USP6NL: variants seen among roughly 807,000 people sequenced by gnomAD.
USP6NL encodes USP6 N-terminal like, also known as USP6 N-terminal-like protein.
Under a neutral mutation model 61.9 loss-of-function variants are expected in USP6NL, and 26 were observed. The observed-to-expected ratio is 0.42, with a 90% CI of 0.31 to 0.58. The LOEUF (loss-of-function observed/expected upper bound fraction) is 0.58, where lower values mean the gene tolerates loss of function less well. Among genes scored for constraint, USP6NL ranks in the 20% least tolerant of loss-of-function variants. The pLI, the probability that USP6NL is intolerant of heterozygous loss-of-function variation, is 0.16. For synonymous variants in USP6NL, 432 were observed against 390.1 expected (o/e 1.11, Z -1.27); for missense variants, 1,114 against 1,034.3 (o/e 1.08, Z -1.06).
rs1177888930 is a variant in USP6NL, at chr10:11,596,201, G to A, written c.4+1430C>T. Among the ~76,000 whole-genome samples the A allele has an allele frequency of 1.3e-5, 2 of 152,172 alleles. No homozygotes were observed. Among genetic ancestry groups the A allele is most frequent in the South Asian group, 4.1e-4 (2 of 4,830 alleles). On this transcript the variant is annotated intron_variant, in intron 2 of 14. Coordinates refer to ENST00000609104, the MANE Select transcript of USP6NL (RefSeq NM_014688.5). This position sits in a 1 kb window ranked among gnomAD's most constrained non-coding sequence, Gnocchi z 4.1. ...TATTTCACTTTCCAAAAATGTAAGC[G>A]TTTTTAAGTTAAAATGCTTGCCATT... is the stretch of plus-strand genomic sequence containing the variant.
intron 2 of USP6NL, among the ~76,000 whole-genome samples, chr10:11,570,305 AT>A: frequency 6.6e-6 from 1 of 152,194 alleles, no homozygotes; most frequent in African/African-American, 2.4e-5. Context: ...ACGCCCTTGC[AT>A]CTAAGATGCA....
At chr10:11,603,844 C>T (rs893817088) in intron 1 of USP6NL, among the ~76,000 whole-genome samples, 9 of 152,178 alleles carry the variant, frequency 5.9e-5, no homozygotes, top group South Asian at 2.1e-4. Context: ...GAGTGAAAAT[C>T]GGAAAACTTA....
rs1313900766 is a variant in USP6NL at position 11,511,136 on chromosome 10, A to C, written c.196-1461T>G. Among the ~76,000 whole-genome samples the C allele has an allele frequency of 6.6e-6, 1 of 152,260 alleles. No homozygotes were observed. Among genetic ancestry groups the C allele is most frequent in the Non-Finnish European group, 1.5e-5 (1 of 68,044 alleles). ...AATGAGAATATTTTTATAGAATTTC[A>C]ATTTTAGGCATATTCTTAAAACTCT... On this transcript the variant is annotated intron_variant, in intron 5 of 14. Coordinates refer to ENST00000609104, the MANE Select transcript of USP6NL (RefSeq NM_014688.5). This position sits in a 1 kb window ranked among gnomAD's most constrained non-coding sequence, Gnocchi z 4.9.
Position 11,593,961 on chromosome 10 carries a change from A to G in USP6NL, c.4+3670T>C, listed in dbSNP as rs571747075. On this transcript the variant is annotated intron_variant, in intron 2 of 14. Coordinates refer to ENST00000609104, the MANE Select transcript of USP6NL (RefSeq NM_014688.5). The stretch of plus-strand genomic sequence containing the variant: ...AATCTAACCAGATATACAAATATCC[A>G]ATCTTTCTTTTAATCTCCAGAAAAA... Among the ~76,000 whole-genome samples, 77 of 152,354 alleles carry G rather than the reference A, an allele frequency of 5.1e-4. 1 individual carries two copies. The South Asian group carries it at 0.015, about 30-fold the overall frequency.
chr10:11,571,647 A>T (rs1198210111), intron 2 of USP6NL, among the ~76,000 whole-genome samples: 1 of 149,018 alleles, frequency 6.7e-6, no homozygotes, highest in Non-Finnish European at 1.5e-5. Context: ...AAAGAACTGA[A>T]TTTTTTTTTT....
At chr10:11,534,039 C>A (rs1162454708) in intron 2 of USP6NL, among the ~76,000 whole-genome samples, 1 of 152,058 alleles carries the variant, frequency 6.6e-6, no homozygotes, top group African/African-American at 2.4e-5. Flanking sequence ...AGAATCCCCC[C>A]ACTCTCCATG....
chr10:11,541,931 G>A (rs1342313316), intron 2 of USP6NL, among the ~76,000 whole-genome samples: 5 of 152,082 alleles, frequency 3.3e-5, no homozygotes, highest in Non-Finnish European at 7.4e-5. Flanking sequence ...CTATAACATA[G>A]TACGGTGACT....
Position 11,608,230 on chromosome 10 carries a change from A to G in USP6NL, c.-84+3213T>C, listed in dbSNP as rs1443294770. Among the ~76,000 whole-genome samples, 9 of 152,238 alleles carry G rather than the reference A, an allele frequency of 5.9e-5. No homozygotes were observed. The East Asian group carries it at 1.7e-3, about 29-fold the overall frequency. ...CAGTCTTACAGCTATCAAAACTAAC[A>G]AGTAATCCAATGCAGAGTTATAAAA... is the stretch of plus-strand genomic sequence containing the variant. On this transcript the variant is annotated intron_variant, in intron 1 of 14. Coordinates refer to ENST00000609104, the MANE Select transcript of USP6NL (RefSeq NM_014688.5).
At position 11,591,651 on chromosome 10, in the gene USP6NL, G is replaced by A. The variant is rs1468851220; in HGVS notation, c.4+5980C>T. 6.6e-6 allele frequency among the ~76,000 whole-genome samples: 1 copy of A among 151,946 alleles called. No homozygotes were observed. Among genetic ancestry groups the A allele is most frequent in the Non-Finnish European group, 1.5e-5 (1 of 67,978 alleles). ...TGTGTGAGAGAGGGAAAGGGAGAGGGAGAATCAAATGGACAAAATGTAAAT... is the reference window on the plus strand; with the variant it reads ...TGTGTGAGAGAGGGAAAGGGAGAGGAAGAATCAAATGGACAAAATGTAAAT... On this transcript the variant is annotated intron_variant, in intron 2 of 14. Transcript: ENST00000609104. The surrounding 1 kb of genome is among the most constrained non-coding windows in gnomAD (Gnocchi z 4.7).
Position 11,485,095 on chromosome 10 carries a change from A to T in USP6NL, c.826-25T>A, listed in dbSNP as rs565200025. On this transcript the variant is annotated intron_variant, in intron 12 of 14. Coordinates refer to ENST00000609104, the MANE Select transcript of USP6NL (RefSeq NM_014688.5). This position sits in a 1 kb window ranked among gnomAD's most constrained non-coding sequence, Gnocchi z 4.8. Reference sequence around the variant, plus strand: ...TCTACAATTAAAAGCAAAACAAAACAAAAATAGGGTTAACAGCTTCCCCTC... The same window carrying T: ...TCTACAATTAAAAGCAAAACAAAACTAAAATAGGGTTAACAGCTTCCCCTC... The T allele has an allele frequency of 6.5e-7, 1 of 1,537,254 alleles. No individual in the cohort carries two copies. The highest frequency in any genetic ancestry group is 1.4e-5 in the African/African-American group (1 of 72,226).
At position 11,485,638 on chromosome 10, in the gene USP6NL, G is replaced by A. The variant is rs1044079082; in HGVS notation, c.759+179C>T. Among the ~76,000 whole-genome samples the A allele has an allele frequency of 6.6e-5, 10 of 152,276 alleles. No individual in the cohort carries two copies. The East Asian group carries it at 1.9e-3, about 29-fold the overall frequency. ...CCCTCAGTAAGAACTGTGATAGCCT[G>A]TCAATATTAAATTTTACAAATCTAA... On this transcript the variant is annotated intron_variant, in intron 11 of 14. Transcript: ENST00000609104. The surrounding 1 kb of genome is among the most constrained non-coding windows in gnomAD (Gnocchi z 4.8).
intron 6 of USP6NL, among the ~76,000 whole-genome samples, chr10:11,503,028 G>C (rs1834278387): frequency 6.6e-6 from 1 of 152,140 alleles, no homozygotes; most frequent in Admixed American, 6.5e-5. Context: ...CCCAAAGGAA[G>C]TTATGATCTA....
At chr10:11,543,350 G>A (rs991223075) in intron 2 of USP6NL, among the ~76,000 whole-genome samples, 24 of 152,094 alleles carry the variant, frequency 1.6e-4, no homozygotes, top group Non-Finnish European at 5.9e-5. Context: ...GGTCATCCTG[G>A]CTAACACGGT....
intron 2 of USP6NL, among the ~76,000 whole-genome samples, chr10:11,570,837 G>T (rs1194299995): frequency 6.6e-6 from 1 of 152,122 alleles, no homozygotes; most frequent in African/African-American, 2.4e-5. Context: ...CATTTGAAGG[G>T]AAAACGGTGA....
Position 11,585,448 on chromosome 10 carries a change from G to C in USP6NL, c.4+12183C>G, listed in dbSNP as rs1837928990. ...AACAGCCAAAAGGTGGAAGCACGAG[G>C]TCAGGAGATTGAGACCATCCTGGCT... On this transcript the variant is annotated intron_variant, in intron 2 of 14. Transcript: ENST00000609104. The surrounding 1 kb of genome is among the most constrained non-coding windows in gnomAD (Gnocchi z 4.5). Among the ~76,000 whole-genome samples the C allele has an allele frequency of 6.6e-6, 1 of 152,140 alleles. No homozygotes were observed. Among genetic ancestry groups the C allele is most frequent in the African/African-American group, 2.4e-5 (1 of 41,422 alleles).
intron 2 of USP6NL, among the ~76,000 whole-genome samples, chr10:11,536,503 A>G (rs912141238): frequency 6.6e-6 from 1 of 152,216 alleles, no homozygotes; most frequent in African/African-American, 2.4e-5. Flanking sequence ...GACAATCAAT[A>G]GCTTATGTTA....
In USP6NL at chr10:11,463,355, C is replaced by A; in HGVS notation, c.1573G>T (p.Val525Leu). The change falls in exon 15 of 15, where the codon GTG becomes TTG. Residue 525 changes from valine to leucine, a missense_variant. Physicochemically the swap from Val to Leu is conservative, Grantham distance 32. Coordinates refer to ENST00000609104, the MANE Select transcript of USP6NL (RefSeq NM_014688.5). This position sits in a 1 kb window ranked among gnomAD's most constrained non-coding sequence, Gnocchi z 6.3. ...TTTGGCCGCACGTTTGACACCCGCA[C>A]CTCGGCAGGACCTGGGACGGTAACT... ...LAVTVPGPAE[V>L]RVSNVRPKMK... 1.9e-6 allele frequency: 3 copies of A among 1,614,002 alleles called. No homozygotes were observed. The South Asian group carries it at 3.3e-5, about 18-fold the overall frequency.
intron 2 of USP6NL, among the ~76,000 whole-genome samples, chr10:11,533,896 C>T (rs188293112): frequency 8.4e-4 from 128 of 152,278 alleles, no homozygotes; most frequent in Admixed American, 1.4e-3. Flanking sequence ...CTGACAAAGA[C>T]GCTCCTTGAC....
At chr10:11,541,459 T>C (rs912264957) in intron 2 of USP6NL, among the ~76,000 whole-genome samples, 4 of 151,602 alleles carry the variant, frequency 2.6e-5, no homozygotes, top group African/African-American at 7.3e-5. Flanking sequence ...AGAAAATTGG[T>C]AGGTTAACTG....
Sources: gnomAD v4.1 joint callset for allele counts (sites outside exome capture counted in the v4.1 genomes callset) on GRCh38, gnomAD v4.1.1 for gene constraint, Gnocchi (gnomAD v3.1) non-coding constraint, MANE v1.5 for transcripts, NCBI Gene and HGNC (gene_info 2026-07-23, HGNC 2026-07-21) for gene names.